WIPI1: variants seen among roughly 807,000 people sequenced by gnomAD.
WIPI1 encodes WD repeat domain phosphoinositide-interacting protein 1.
WIPI1 carries 45 observed loss-of-function variants against 55.3 expected under a neutral mutation model. The observed-to-expected ratio is 0.81, with a 90% CI of 0.64 to 1.04. WIPI1 has a LOEUF of 1.04. WIPI1 is among the 50% of genes least tolerant of loss of function. WIPI1 has a pLI of 0.00. For synonymous variants in WIPI1, 195 were observed against 217.6 expected, an observed-to-expected ratio of 0.90 and a Z score of 0.92; for missense variants, 445 against 559.0, an observed-to-expected ratio of 0.80 and a Z score of 2.06.
rs1211732437 is a variant in WIPI1, at chr17:68,423,132, G to A, written c.1294-1312C>T. On this transcript the variant is annotated intron_variant, in intron 12 of 12. Coordinates refer to ENST00000262139, the MANE Select transcript of WIPI1 (RefSeq NM_017983.7). The surrounding 1 kb of genome is among the most constrained non-coding windows in gnomAD (Gnocchi z 4.4). ...AGAGAGGCGATTTTAACCAAGCTGA[G>A]ACTCCAAGAGCCTTTTGTGGTCCTA... 6.6e-6 allele frequency among the ~76,000 whole-genome samples: 1 copy of A among 152,188 alleles called. No individual in the cohort carries two copies. The highest frequency in any genetic ancestry group is 1.9e-4 in the East Asian group (1 of 5,198).
At position 68,434,555 on chromosome 17, in the gene WIPI1, C is replaced by G; in HGVS notation, c.692+1G>C. 2 of 1,613,928 alleles carry G rather than the reference C, an allele frequency of 1.2e-6. No individual in the cohort carries two copies. Among genetic ancestry groups the G allele is most frequent in the Non-Finnish European group, 1.7e-6 (2 of 1,179,852 alleles). On this transcript the variant is annotated splice_donor_variant, in intron 7 of 12. Coordinates refer to ENST00000262139, the MANE Select transcript of WIPI1 (RefSeq NM_017983.7). LOFTEE classifies it high-confidence loss of function. Reference sequence around the variant, plus strand: ...AAATGGGTTTGACATTGAACACAGACCTTTTCATCCCTCTCCGGAACTCAT... The same window carrying G: ...AAATGGGTTTGACATTGAACACAGAGCTTTTCATCCCTCTCCGGAACTCAT...
At chr17:68,443,120 T>G (rs2084147804) in intron 4 of WIPI1, among the ~76,000 whole-genome samples, 1 of 152,192 alleles carries the variant, frequency 6.6e-6, no homozygotes, top group African/African-American at 2.4e-5. Flanking sequence ...AATTTATTCA[T>G]TGTTTTTTGA....
chr17:68,439,101 T>G (rs2083964867), intron 4 of WIPI1, among the ~76,000 whole-genome samples: 1 of 152,156 alleles, frequency 6.6e-6, no homozygotes, highest in African/African-American at 2.4e-5. Flanking sequence ...AAACATAAAG[T>G]TCTCATATGA....
intron 1 of WIPI1, among the ~76,000 whole-genome samples, chr17:68,457,140 G>A (rs544070781): frequency 1.6e-4 from 24 of 152,288 alleles, no homozygotes; most frequent in Admixed American, 9.2e-4. Flanking sequence ...GGAGGACACT[G>A]GGAGTGGGGT....
At chr17:68,451,273 A>C (rs923548745) in intron 2 of WIPI1, among the ~76,000 whole-genome samples, 1 of 152,166 alleles carries the variant, frequency 6.6e-6, no homozygotes, top group Non-Finnish European at 1.5e-5. Flanking sequence ...TCTACTAAAA[A>C]TATTTTAAAA....
chr17:68,437,180 G>A (rs764067931), intron 4 of WIPI1, among the ~76,000 whole-genome samples: 70 of 152,050 alleles, frequency 4.6e-4, no homozygotes, highest in Non-Finnish European at 7.5e-4. Context: ...GTACATATTG[G>A]TCTTTCTGCA....
intron 12 of WIPI1, among the ~76,000 whole-genome samples, chr17:68,425,517 G>A (rs1163792987): frequency 1.3e-5 from 2 of 151,416 alleles, no homozygotes; most frequent in African/African-American, 2.4e-5. Context: ...CACCGCACCC[G>A]GCCACTTGTT....
intron 4 of WIPI1, among the ~76,000 whole-genome samples, chr17:68,444,062 C>T (rs1439265132): frequency 1.3e-5 from 2 of 152,166 alleles, no homozygotes; most frequent in Non-Finnish European, 2.9e-5. Context: ...AAAACATATT[C>T]TTTATGGTTC....
Position 68,435,603 on chromosome 17 carries a change from G to A in WIPI1, c.621+17C>T. ...CCAGCGAAACCCAGACAGAGGTGTT[G>A]GTGGGAGTGGACTCACTTTTTCAGA... is the stretch of plus-strand genomic sequence containing the variant. On this transcript the variant is annotated intron_variant, in intron 6 of 12. Coordinates refer to ENST00000262139, the MANE Select transcript of WIPI1 (RefSeq NM_017983.7). 6.2e-7 allele frequency: 1 copy of A among 1,612,554 alleles called. No individual in the cohort carries two copies.
chr17:68,428,913 A>C lies in WIPI1; in HGVS notation c.989T>G (p.Leu330Arg). ...LSTIQKLPRL[L>R]VASSSGHLYM... Reference sequence around the variant, plus strand: ...AAGGTGTCCACTGGATGACGCAACTAGCAGCCGTGGCAACTTCTGGATCCT... The same window carrying C: ...AAGGTGTCCACTGGATGACGCAACTCGCAGCCGTGGCAACTTCTGGATCCT... The change falls in exon 10 of 13, where the codon CTA becomes CGA. Residue 330 changes from leucine to arginine, a missense_variant. Transcript: ENST00000262139. 1 of 1,614,082 alleles carries C rather than the reference A, an allele frequency of 6.2e-7. No individual in the cohort carries two copies.
rs1869234347 is a variant in WIPI1, at chr17:68,421,627, C to T, written c.*146G>A. The T allele has an allele frequency of 2.6e-6, 3 of 1,136,814 alleles. No individual in the cohort carries two copies. In the Admixed American group the frequency reaches 5.6e-5, roughly 21 times the overall value. 70.4% of individuals were successfully genotyped at this position (1,136,814 alleles called of 1,614,324 possible). A position where few individuals can be genotyped will look rare whatever the true frequency, so the allele number is the denominator to read the frequency against. ...GTGGGAAGCTTGGTGAGGAGTTAAC[C>T]AGGTCCTGTGGTTTAAGCAGTGGAG... is the stretch of plus-strand genomic sequence containing the variant. On this transcript the variant is annotated 3_prime_UTR_variant, in exon 13 of 13. Coordinates refer to ENST00000262139, the MANE Select transcript of WIPI1 (RefSeq NM_017983.7).
intron 3 of WIPI1, among the ~76,000 whole-genome samples, chr17:68,447,468 A>C (rs78095701): frequency 0.12 from 18,616 of 152,132 alleles, 1,220 homozygotes; most frequent in South Asian, 0.21. Flanking sequence ...TGCAGCCTTC[A>C]ACTCTTGGGC....
At position 68,427,145 on chromosome 17, in the gene WIPI1, G is replaced by A; in HGVS notation, c.1182C>T (p.Ser394=). 6.2e-7 allele frequency: 1 copy of A among 1,613,940 alleles called. No individual in the cohort carries two copies. Among genetic ancestry groups the A allele is most frequent in the Non-Finnish European group, 8.5e-7 (1 of 1,179,856 alleles). ...TVARPSASSA[S]TVPGYSEDGG... is the part of the protein sequence containing the mutation. Reference sequence around the variant, plus strand: ...CCCGTGTCCACCCACCTGGCACCGTGGAGGCTGAAGATGCACTTGGTCTGG... The same window carrying A: ...CCCGTGTCCACCCACCTGGCACCGTAGAGGCTGAAGATGCACTTGGTCTGG... The change falls in exon 11 of 13, where the codon TCC becomes TCT. Residue 394 remains serine (S), a synonymous_variant. Coordinates refer to ENST00000262139, the MANE Select transcript of WIPI1 (RefSeq NM_017983.7).
At chr17:68,436,993 CAAAAAAAAA>C (rs139267277) in intron 4 of WIPI1, among the ~76,000 whole-genome samples, 2 of 124,672 alleles carry the variant, frequency 1.6e-5, no homozygotes, top group Non-Finnish European at 3.5e-5. Flanking sequence ...GACCCCGTCT[CAAAAAAAAA>C]AAAATATATA....
intron 9 of WIPI1, among the ~76,000 whole-genome samples, chr17:68,429,266 C>G (rs1254304885): frequency 6.6e-6 from 1 of 152,156 alleles, no homozygotes; most frequent in Non-Finnish European, 1.5e-5. Flanking sequence ...TGCCCTTAAC[C>G]AAGACAGAAA....
chr17:68,452,190 A>G (rs1030389503), intron 2 of WIPI1, among the ~76,000 whole-genome samples: 1 of 152,244 alleles, frequency 6.6e-6, no homozygotes, highest in Admixed American at 6.5e-5. Context: ...TAAATAGGAT[A>G]CCGTTGCCTT....
intron 1 of WIPI1, among the ~76,000 whole-genome samples, chr17:68,455,614 T>C (rs889918001): frequency 6.6e-6 from 1 of 152,174 alleles, no homozygotes; most frequent in Non-Finnish European, 1.5e-5. Context: ...ACAAGAACTT[T>C]TATTTATAGG....
intron 4 of WIPI1, 135 bp downstream of exon 4, chr17:68,444,358 G>A: frequency 1.3e-6 from 1 of 754,748 alleles, no homozygotes. Context: ...TTAAGACAAA[G>A]CTTCGAGATA....
In WIPI1 at chr17:68,436,533, C is replaced by A. The variant is rs2083796378; in HGVS notation, c.431-54G>T. 23 of 1,551,168 alleles carry A rather than the reference C, an allele frequency of 1.5e-5. No individual in the cohort carries two copies. The South Asian group carries it at 2.3e-4, about 16-fold the overall frequency. ...GCCTGGGGCCAAGGGAGAGATTGCA[C>A]GGCTGGAGAGGGCATCTGAAAACAG... On this transcript the variant is annotated intron_variant, in intron 4 of 12. Transcript: ENST00000262139.
Sources: allele counts gnomAD v4.1 joint callset (sites outside exome capture counted in the v4.1 genomes callset), GRCh38; gene constraint gnomAD v4.1.1; non-coding constraint Gnocchi (gnomAD v3.1); transcripts MANE v1.5; gene names NCBI Gene and HGNC (gene_info 2026-07-23, HGNC 2026-07-21).